The following TMTC4 variants were observed in gnomAD, a reference collection of about 807,000 sequenced individuals.
TMTC4 encodes protein O-mannosyl-transferase TMTC4.
In TMTC4, 65 loss-of-function variants were observed where a neutral mutation model predicts 86.0. The observed-to-expected ratio is 0.76, with a 90% CI of 0.62 to 0.93. The LOEUF is 0.93. Ranked by LOEUF, TMTC4 falls within the 40% of genes least tolerant of loss-of-function variation. The pLI is 0.00. For missense variants in TMTC4, 866 were observed against 948.1 expected, an observed-to-expected ratio of 0.91 and a Z score of 1.14; for synonymous variants, 379 against 382.5, an observed-to-expected ratio of 0.99 and a Z score of 0.11.
intron 3 of TMTC4, among the ~76,000 whole-genome samples, chr13:100,667,523 T>A (rs1231785591): frequency 2.0e-5 from 3 of 152,084 alleles, no homozygotes; most frequent in Non-Finnish European, 2.9e-5. Flanking sequence ...ATATCACAAA[T>A]AAAATATATG....
intron 6 of TMTC4, among the ~76,000 whole-genome samples, chr13:100,644,485 T>C (rs7997345): frequency 0.72 from 109,183 of 152,004 alleles, 40,160 homozygotes; most frequent in East Asian, 0.99. Flanking sequence ...GCTGGGCCCC[T>C]GGCTCTCAAT....
intron 6 of TMTC4, among the ~76,000 whole-genome samples, chr13:100,653,105 TCTC>T (rs997896007): frequency 2.6e-5 from 4 of 152,194 alleles, no homozygotes; most frequent in Admixed American, 6.5e-5. Flanking sequence ...CAGCAAGTTT[TCTC>T]CTCCTAAAAA....
intron 15 of TMTC4, among the ~76,000 whole-genome samples, chr13:100,623,645 GT>G (rs58766408): frequency 0.07 from 7,830 of 112,298 alleles, 191 homozygotes; most frequent in Middle Eastern, 0.11. Context: ...GTTGGGTTTT[GT>G]TTTTTTTTTT....
chr13:100,672,934 C>T (rs1887315907), intron 1 of TMTC4, among the ~76,000 whole-genome samples: 1 of 152,138 alleles, frequency 6.6e-6, no homozygotes, highest in Admixed American at 6.5e-5. Flanking sequence ...ATAGCTGGAT[C>T]GTTAGTTCAC....
chr13:100,615,535 G>A (rs1465202566), intron 15 of TMTC4, among the ~76,000 whole-genome samples: 1 of 152,086 alleles, frequency 6.6e-6, no homozygotes, highest in Non-Finnish European at 1.5e-5. Context: ...TCACTGCAAC[G>A]TCTGCCTCCC....
intron 15 of TMTC4, among the ~76,000 whole-genome samples, chr13:100,620,145 C>A: frequency 6.6e-6 from 1 of 152,318 alleles, no homozygotes; most frequent in South Asian, 2.1e-4. Context: ...AATCACCCAG[C>A]AGTCCTACGC....
chr13:100,652,614 C>G (rs770263044), intron 6 of TMTC4, among the ~76,000 whole-genome samples: 9 of 151,994 alleles, frequency 5.9e-5, no homozygotes, highest in Non-Finnish European at 1.2e-4. Flanking sequence ...TTTTGTTGTA[C>G]TGAAGGAAAT....
At chr13:100,621,494 C>T (rs1055507589) in intron 15 of TMTC4, among the ~76,000 whole-genome samples, 41 of 152,280 alleles carry the variant, frequency 2.7e-4, no homozygotes, top group East Asian at 1.5e-3. Flanking sequence ...GGCGCCATCT[C>T]GGTTCACTGC....
At position 100,673,064 on chromosome 13, in the gene TMTC4, A is replaced by T. The variant is rs1887333554; in HGVS notation, c.-208+1680T>A. Reference sequence around the variant, plus strand: ...GCTACCTGACTCCTGCGACAGAATCAACTGGCCCCTCAACAGGGGCTGAAT... The same window carrying T: ...GCTACCTGACTCCTGCGACAGAATCTACTGGCCCCTCAACAGGGGCTGAAT... On this transcript the variant is annotated intron_variant, in intron 1 of 18. Coordinates refer to ENST00000342624, the MANE Select transcript of TMTC4 (RefSeq NM_032813.5). Among the ~76,000 whole-genome samples the T allele has an allele frequency of 2.0e-5, 3 of 152,184 alleles. No homozygotes were observed. The South Asian group carries it at 6.2e-4, about 31-fold the overall frequency.
At chr13:100,634,983 G>A (rs774192341) in intron 11 of TMTC4, 41 bp downstream of exon 11, 42 of 1,609,368 alleles carry the variant, frequency 2.6e-5, no homozygotes, top group Non-Finnish European at 3.2e-5. Context: ...AGATGCATCC[G>A]GTCATTCTGT....
At chr13:100,650,556 G>A (rs1001444236) in intron 6 of TMTC4, among the ~76,000 whole-genome samples, 1 of 152,250 alleles carries the variant, frequency 6.6e-6, no homozygotes, top group Non-Finnish European at 1.5e-5. Flanking sequence ...ACGCCACCCC[G>A]ACAGGTGGCC....
chr13:100,610,185 A>T (rs1877336910), intron 17 of TMTC4, among the ~76,000 whole-genome samples: 1 of 152,302 alleles, frequency 6.6e-6, no homozygotes, highest in South Asian at 2.1e-4. Context: ...CAGGGAGCAG[A>T]CACCTGCCCT....
chr13:100,625,139 G>GA, intron 15 of TMTC4: 1 of 212,168 alleles, frequency 4.7e-6, no homozygotes, highest in East Asian at 1.2e-4. Flanking sequence ...GAGAACAAGG[G>GA]AGCTCAGAAA....
Position 100,659,725 on chromosome 13 carries a change from G to C in TMTC4, c.552+3239C>G, listed in dbSNP as rs139404253. ...TGAAGCAATGTGCGGTGGTTCATTA[G>C]AAAAACAGAGACATTCCATGAGTTG... On this transcript the variant is annotated intron_variant, in intron 5 of 18. Transcript: ENST00000342624. Among the ~76,000 whole-genome samples, 443 of 151,166 alleles carry C rather than the reference G, an allele frequency of 2.9e-3. 1 individual carries two copies. Among genetic ancestry groups the C allele is most frequent in the African/African-American group, 0.01 (423 of 41,138 alleles).
chr13:100,638,576 C>T (rs986224773), intron 7 of TMTC4: 11 of 152,250 alleles, frequency 7.2e-5, no homozygotes, highest in African/African-American at 2.7e-4. Flanking sequence ...CAGTAGTTTT[C>T]TCGCTGGGTT....
intron 17 of TMTC4, among the ~76,000 whole-genome samples, chr13:100,607,028 C>T (rs1299442294): frequency 1.3e-5 from 2 of 152,214 alleles, no homozygotes; most frequent in East Asian, 1.9e-4. Context: ...AAGTCATACT[C>T]ACTTCCAACC....
intron 1 of TMTC4, chr13:100,674,173 C>G: frequency 1.0e-6 from 1 of 973,296 alleles, no homozygotes; most frequent in Non-Finnish European, 1.2e-6. Flanking sequence ...TGGCCCCGGG[C>G]GCCCGGGCCG....
intron 5 of TMTC4, among the ~76,000 whole-genome samples, chr13:100,661,838 T>C (rs1008002770): frequency 2.0e-5 from 3 of 152,194 alleles, no homozygotes; most frequent in African/African-American, 4.8e-5. Context: ...TGGTTAAATG[T>C]AGATATTTCA....
chr13:100,643,386 C>G (rs902230259), intron 6 of TMTC4, among the ~76,000 whole-genome samples: 4 of 152,312 alleles, frequency 2.6e-5, no homozygotes, highest in African/African-American at 7.2e-5. Context: ...TGACACTGAG[C>G]AAGTGACTTT....
Sources: gnomAD v4.1 joint callset for allele counts (sites outside exome capture counted in the v4.1 genomes callset) on GRCh38, gnomAD v4.1.1 for gene constraint, MANE v1.5 for transcripts, NCBI Gene and HGNC (gene_info 2026-07-23, HGNC 2026-07-21) for gene names.